ORC4: variants seen among roughly 807,000 people sequenced by gnomAD.
ORC4 encodes origin recognition complex, subunit 4 homolog.
Under a neutral mutation model 63.9 loss-of-function variants are expected in ORC4, and 55 were observed. The observed-to-expected ratio is 0.86, with a 90% CI of 0.69 to 1.08. ORC4 has a LOEUF of 1.08. Among genes scored for constraint, ORC4 ranks in the 50% least tolerant of loss-of-function variants. The pLI is 0.00. For missense variants in ORC4, 511 were observed against 504.4 expected (o/e 1.01, Z -0.13); for synonymous variants, 150 against 168.5 (o/e 0.89, Z 0.85).
In ORC4 at chr2:148,007,318, T is replaced by C. The variant is rs1012232006; in HGVS notation, c.-18+13315A>G. ...GACCTTTTAGATGGGAAATTCAAAATAGCGGTCTTGAGAAAGCTCAATTTA... is the reference window on the plus strand; with the variant it reads ...GACCTTTTAGATGGGAAATTCAAAACAGCGGTCTTGAGAAAGCTCAATTTA... On this transcript the variant is annotated intron_variant, in intron 1 of 13. Coordinates refer to ENST00000392857, the MANE Select transcript of ORC4 (RefSeq NM_181741.4). Among the ~76,000 whole-genome samples, 24 of 152,264 alleles carry C rather than the reference T, an allele frequency of 1.6e-4. 1 individual carries two copies. The East Asian group carries it at 4.6e-3, about 29-fold the overall frequency.
intron 1 of ORC4, among the ~76,000 whole-genome samples, chr2:147,989,517 C>A (rs1315081354): frequency 6.6e-6 from 1 of 152,042 alleles, no homozygotes; most frequent in African/African-American, 2.4e-5. Flanking sequence ...ACGAGCCTGG[C>A]CAACATGGTG....
Position 147,935,627 on chromosome 2 carries a change from C to G in ORC4, c.1194G>C (p.Glu398Asp). ...CCAAAAGCAGTTTCATCAGCTGGTA[C>G]TCTCTCTGTGAATTTCCTGAAGTTC... ...MERTSGNSQR[E>D]YQLMKLLLDN... Residue 398 changes from glutamate (E) to aspartate (D), a missense_variant, in exon 14 of 14, where the codon GAG (glutamate) becomes GAC (aspartate). Coordinates refer to ENST00000392857, the MANE Select transcript of ORC4 (RefSeq NM_181741.4). 1 of 1,613,476 alleles carries G rather than the reference C, an allele frequency of 6.2e-7. No individual in the cohort carries two copies. The highest frequency in any genetic ancestry group is 2.2e-5 in the East Asian group (1 of 44,842).
Position 147,931,912 on chromosome 2 carries a change from T to C in ORC4, c.*3598A>G, listed in dbSNP as rs1422725723. 6.6e-6 allele frequency: 1 copy of C among 151,094 alleles called. No individual in the cohort carries two copies. The highest frequency in any genetic ancestry group is 1.5e-5 in the Non-Finnish European group (1 of 67,916). The allele number at this position is 151,094 out of a possible 1,614,324, so 9.4% of individuals were successfully genotyped here. A position where few individuals can be genotyped will look rare whatever the true frequency, so the allele number is the denominator to read the frequency against. ...AAACTGGCACAAGACAGGGATGCCC[T>C]CTCTCACCACTCGTATTCAACATAG... On this transcript the variant is annotated 3_prime_UTR_variant, in exon 14 of 14. Coordinates refer to ENST00000392857, the MANE Select transcript of ORC4 (RefSeq NM_181741.4).
rs983460524 is a variant in ORC4 at position 147,938,423 on chromosome 2, T to C, written c.959-30A>G. 8 of 1,217,630 alleles carry C rather than the reference T, an allele frequency of 6.6e-6. No homozygotes were observed. The African/African-American group carries it at 8.9e-5, about 14-fold the overall frequency. The allele number at this position is 1,217,630 out of a possible 1,614,324, so 75.4% of individuals were successfully genotyped here. Reference sequence around the variant, plus strand: ...AGTAAAAGGGAAAAAAAACTATCAGTTTAATGACATATAAGACTGAAATAA... The same window carrying C: ...AGTAAAAGGGAAAAAAAACTATCAGCTTAATGACATATAAGACTGAAATAA... On this transcript the variant is annotated intron_variant, in intron 11 of 13. Coordinates refer to ENST00000392857, the MANE Select transcript of ORC4 (RefSeq NM_181741.4).
At chr2:147,961,105 T>G (rs1473825455) in intron 4 of ORC4, among the ~76,000 whole-genome samples, 1 of 152,078 alleles carries the variant, frequency 6.6e-6, no homozygotes, top group African/African-American at 2.4e-5. Flanking sequence ...CAAACAAACA[T>G]AAGACTACAG....
At chr2:147,972,416 C>G (rs1690269714) in intron 4 of ORC4, among the ~76,000 whole-genome samples, 1 of 151,920 alleles carries the variant, frequency 6.6e-6, no homozygotes. Flanking sequence ...TCAATACATG[C>G]TATTTTCTTT....
chr2:147,990,172 G>A (rs1022277512), intron 1 of ORC4, among the ~76,000 whole-genome samples: 4 of 152,134 alleles, frequency 2.6e-5, no homozygotes, highest in Non-Finnish European at 5.9e-5. Context: ...TCAAAGATAG[G>A]TAAGTATGGA....
At chr2:147,975,815 G>T in intron 2 of ORC4, 87 bp downstream of exon 2, 2 of 842,972 alleles carry the variant, frequency 2.4e-6, no homozygotes, top group Non-Finnish European at 2.1e-6. Flanking sequence ...AAATGCTAAA[G>T]GGAAAATTCA....
intron 4 of ORC4, among the ~76,000 whole-genome samples, chr2:147,969,841 G>T (rs1558850570): frequency 6.6e-6 from 1 of 151,914 alleles, no homozygotes; most frequent in East Asian, 1.9e-4. Context: ...TTAACTGTTA[G>T]ACATAGTCTA....
At chr2:147,966,738 G>A (rs1445422941) in intron 4 of ORC4, among the ~76,000 whole-genome samples, 1 of 152,150 alleles carries the variant, frequency 6.6e-6, no homozygotes, top group African/African-American at 2.4e-5. Flanking sequence ...GGAAAATCCA[G>A]TACTGGATGG....
At position 147,952,653 on chromosome 2, in the gene ORC4, G is replaced by C; in HGVS notation, c.437-129C>G. On this transcript the variant is annotated intron_variant, in intron 7 of 13. Transcript: ENST00000392857. ...ACATTCTGATAGCCTACTTTGGGTA[G>C]GGGATTTACTGATGCATATACGTTC... 5.5e-6 allele frequency: 4 copies of C among 725,814 alleles called. No homozygotes were observed. In the South Asian group the frequency reaches 6.7e-5, roughly 12 times the overall value. 45.0% of individuals were successfully genotyped at this position (725,814 alleles called of 1,614,324 possible).
chr2:148,011,512 T>C (rs950117992), intron 1 of ORC4, among the ~76,000 whole-genome samples: 26 of 152,184 alleles, frequency 1.7e-4, no homozygotes, highest in Admixed American at 1.3e-4. Flanking sequence ...CCACAGTTAG[T>C]ATCAGACTGA....
chr2:148,016,637 G>T (rs1055459866), intron 1 of ORC4, among the ~76,000 whole-genome samples: 2 of 152,166 alleles, frequency 1.3e-5, no homozygotes, highest in African/African-American at 2.4e-5. Context: ...ACAACCAGCA[G>T]GATGCAGGAA....
chr2:148,017,789 G>A (rs1693404929), intron 1 of ORC4, among the ~76,000 whole-genome samples: 2 of 152,304 alleles, frequency 1.3e-5, no homozygotes, highest in South Asian at 4.1e-4. Flanking sequence ...TGAATCAAGT[G>A]TCAGTTTTTA....
At chr2:147,944,007 C>A (rs189365909) in intron 9 of ORC4, among the ~76,000 whole-genome samples, 1 of 152,158 alleles carries the variant, frequency 6.6e-6, no homozygotes, top group East Asian at 1.9e-4. Context: ...TGAGTAGTCA[C>A]GTACTGGAGT....
At chr2:147,993,287 G>A (rs760539399) in intron 1 of ORC4, among the ~76,000 whole-genome samples, 1 of 152,012 alleles carries the variant, frequency 6.6e-6, no homozygotes, top group Non-Finnish European at 1.5e-5. Context: ...TGAAAGGGAA[G>A]TTTTTTCTTG....
chr2:148,000,863 G>A (rs1190170509), intron 1 of ORC4, among the ~76,000 whole-genome samples: 1 of 152,050 alleles, frequency 6.6e-6, no homozygotes, highest in Non-Finnish European at 1.5e-5. Context: ...CTATCAATGG[G>A]AAGATGGGGG....
intron 4 of ORC4, among the ~76,000 whole-genome samples, chr2:147,963,417 A>G (rs1689721091): frequency 6.6e-6 from 1 of 152,138 alleles, no homozygotes; most frequent in Admixed American, 6.5e-5. Flanking sequence ...GGACGCCTCT[A>G]GTGGGCATGC....
chr2:147,984,458 A>C (rs1341183210), intron 1 of ORC4, among the ~76,000 whole-genome samples: 1 of 152,202 alleles, frequency 6.6e-6, no homozygotes. Flanking sequence ...GCTTCCAGTC[A>C]AGTAGGCTAT....
Sources: allele counts gnomAD v4.1 joint callset (sites outside exome capture counted in the v4.1 genomes callset), GRCh38; gene constraint gnomAD v4.1.1; transcripts MANE v1.5; gene names NCBI Gene and HGNC (gene_info 2026-07-23, HGNC 2026-07-21).